Variants in CSMD1 observed in about 807,000 individuals in gnomAD.
CSMD1 encodes CUB and sushi domain-containing protein 1.
CSMD1 carries 213 observed loss-of-function variants against 417.5 expected under a neutral mutation model. The ratio of observed to expected loss-of-function variants is 0.51; its 90% CI spans 0.46 to 0.57. The LOEUF is 0.57. Among genes scored for constraint, CSMD1 ranks in the 20% least tolerant of loss-of-function variants. CSMD1 has a pLI of 0.00. For synonymous variants in CSMD1, 2,862 were observed against 1,736.8 expected (o/e 1.65, Z -16.11); for missense variants, 6,923 against 4,529.7 (o/e 1.53, Z -15.17).
At chr8:3,203,000 C>A (rs1440101501) in intron 31 of CSMD1, among the ~76,000 whole-genome samples, 1 of 152,120 alleles carries the variant, frequency 6.6e-6, no homozygotes, top group African/African-American at 2.4e-5. Flanking sequence ...CACCCACCCA[C>A]CACCTCCCCA....
chr8:4,953,785 T>A (rs957811083), intron 1 of CSMD1, among the ~76,000 whole-genome samples: 2 of 152,194 alleles, frequency 1.3e-5, no homozygotes, highest in Non-Finnish European at 2.9e-5. Context: ...CTGTCTTTGG[T>A]AATTTTCCCA....
chr8:4,354,634 A>G (rs910933767), intron 3 of CSMD1, among the ~76,000 whole-genome samples: 1 of 152,152 alleles, frequency 6.6e-6, no homozygotes, highest in Non-Finnish European at 1.5e-5. Flanking sequence ...GTCTACTCAA[A>G]AAATAAACAC....
chr8:4,104,078 C>T (rs540879151), intron 3 of CSMD1, among the ~76,000 whole-genome samples: 1 of 152,196 alleles, frequency 6.6e-6, no homozygotes, highest in Admixed American at 6.5e-5. Flanking sequence ...GGTTCTCCCT[C>T]AAGACACACA....
chr8:3,593,065 C>T (rs1800929799), intron 8 of CSMD1, among the ~76,000 whole-genome samples: 1 of 152,148 alleles, frequency 6.6e-6, no homozygotes, highest in Non-Finnish European at 1.5e-5. Context: ...GGGTCCTGCC[C>T]AGTGAGAAGG....
intron 5 of CSMD1, among the ~76,000 whole-genome samples, chr8:3,754,497 C>G (rs974926090): frequency 6.6e-6 from 1 of 151,810 alleles, no homozygotes; most frequent in Non-Finnish European, 1.5e-5. Context: ...CTGTGTCATC[C>G]AGGCTGGAGG....
At chr8:4,875,999 G>C (rs1040964872) in intron 1 of CSMD1, among the ~76,000 whole-genome samples, 28 of 151,924 alleles carry the variant, frequency 1.8e-4, no homozygotes, top group African/African-American at 5.8e-4. Flanking sequence ...TATTTTTATA[G>C]TAAAGAGTAA....
intron 5 of CSMD1, among the ~76,000 whole-genome samples, chr8:3,997,168 G>C (rs1023378716): frequency 6.6e-6 from 1 of 152,162 alleles, no homozygotes; most frequent in African/African-American, 2.4e-5. Flanking sequence ...AATTTTACAT[G>C]CAACAAATGA....
At chr8:3,027,580 C>G (rs1209076919) in intron 51 of CSMD1, among the ~76,000 whole-genome samples, 1 of 152,164 alleles carries the variant, frequency 6.6e-6, no homozygotes, top group East Asian at 1.9e-4. Context: ...CGATGACATT[C>G]AAGGGACAAA....
At position 4,910,570 on chromosome 8, in the gene CSMD1, T is replaced by C. The variant is rs367604933; in HGVS notation, c.85+83762A>G. On this transcript the variant is annotated intron_variant, in intron 1 of 69. Transcript: ENST00000635120. ...AGCTTTTTTATAGACGCTAATTCCA[T>C]TCATGAAAGCTCCCTCCTCATAACC... 9.9e-5 allele frequency among the ~76,000 whole-genome samples: 15 copies of C among 152,278 alleles called. No homozygotes were observed. The East Asian group carries it at 1.9e-3, about 20-fold the overall frequency.
At chr8:4,874,881 T>A (rs1047531888) in intron 1 of CSMD1, among the ~76,000 whole-genome samples, 1 of 139,730 alleles carries the variant, frequency 7.2e-6, no homozygotes, top group Non-Finnish European at 1.5e-5. Context: ...ATATATAGTA[T>A]AGAGTATAGT....
intron 3 of CSMD1, among the ~76,000 whole-genome samples, chr8:4,091,832 A>C (rs1800737570): frequency 6.6e-6 from 1 of 152,332 alleles, no homozygotes; most frequent in African/African-American, 2.4e-5. Context: ...AAAATGGACT[A>C]TTTAGCAATG....
intron 1 of CSMD1, among the ~76,000 whole-genome samples, chr8:4,784,431 A>T (rs1797301884): frequency 6.6e-6 from 1 of 152,226 alleles, no homozygotes; most frequent in Non-Finnish European, 1.5e-5. Context: ...TGGATTTTTT[A>T]AAATTTTGAA....
intron 3 of CSMD1, among the ~76,000 whole-genome samples, chr8:4,072,459 A>C (rs1305760466): frequency 6.6e-6 from 1 of 152,172 alleles, no homozygotes; most frequent in African/African-American, 2.4e-5. Context: ...GATAGACTTT[A>C]TTATTTCGCA....
At chr8:4,260,365 A>G (rs538044386) in intron 3 of CSMD1, among the ~76,000 whole-genome samples, 16 of 152,270 alleles carry the variant, frequency 1.1e-4, no homozygotes, top group African/African-American at 3.6e-4. Context: ...ATTGATTTGT[A>G]GGAGTTATTT....
At chr8:3,531,542 C>G (rs752889121) in intron 10 of CSMD1, among the ~76,000 whole-genome samples, 43 of 152,168 alleles carry the variant, frequency 2.8e-4, no homozygotes, top group Non-Finnish European at 1.5e-5. Flanking sequence ...GGGAGGCAGC[C>G]AGAAGTTCTG....
chr8:3,521,617 G>C (rs1342873443), intron 10 of CSMD1, among the ~76,000 whole-genome samples: 1 of 152,116 alleles, frequency 6.6e-6, no homozygotes, highest in Non-Finnish European at 1.5e-5. Context: ...TAAATCCCTT[G>C]TACACGGAGC....
At chr8:3,215,235 C>G (rs572543735) in intron 29 of CSMD1, among the ~76,000 whole-genome samples, 5 of 152,324 alleles carry the variant, frequency 3.3e-5, no homozygotes, top group Admixed American at 6.5e-5. Flanking sequence ...GATGCTTGTT[C>G]TCATTCTTTT....
intron 3 of CSMD1, among the ~76,000 whole-genome samples, chr8:4,243,309 G>C (rs1019860096): frequency 2.6e-5 from 4 of 152,006 alleles, no homozygotes; most frequent in African/African-American, 9.7e-5. Context: ...AAAGGCTCTT[G>C]GCTAAATCTG....
chr8:4,979,541 G>A (rs761079837), intron 1 of CSMD1, among the ~76,000 whole-genome samples: 13 of 147,290 alleles, frequency 8.8e-5, no homozygotes, highest in Non-Finnish European at 1.4e-4. Flanking sequence ...ACCTAAAGAA[G>A]GAGCTAGTTT....
Sources: gnomAD v4.1 joint callset for allele counts (sites outside exome capture counted in the v4.1 genomes callset) on GRCh38, gnomAD v4.1.1 for gene constraint, MANE v1.5 for transcripts, NCBI Gene and HGNC (gene_info 2026-07-23, HGNC 2026-07-21) for gene names.